The following EZR variants were observed in gnomAD, a reference collection of about 807,000 sequenced individuals.
EZR encodes the protein cytovillin 2.
EZR carries 40 observed loss-of-function variants against 74.8 expected under a neutral mutation model. The observed-to-expected ratio is 0.53, with a 90% CI of 0.42 to 0.70. The LOEUF is 0.70. Among genes scored for constraint, EZR ranks in the 30% least tolerant of loss-of-function variants. EZR has a pLI of 0.00. For synonymous variants in EZR, 341 were observed against 283.3 expected (o/e 1.20, Z -2.05); for missense variants, 678 against 755.8 (o/e 0.90, Z 1.21).
At chr6:158,770,016 C>T (rs1791051036) in intron 10 of EZR, 72 bp from the exon 11 acceptor site, 1 of 1,576,026 alleles carries the variant, frequency 6.3e-7, no homozygotes, top group Non-Finnish European at 8.6e-7. Flanking sequence ...TTTCCATTCC[C>T]ACCCCCAAAG....
At position 158,767,493 on chromosome 6, in the gene EZR, T is replaced by C; in HGVS notation, c.1364A>G (p.Asp455Gly). The change falls in exon 13 of 14, where the codon GAC becomes GGC. Residue 455 changes from aspartate to glycine, a missense_variant. Around this residue, in one of 3 missense-constraint regions of EZR, gnomAD observed 342 missense variants for 341.2 expected, o/e 1.00. Coordinates refer to ENST00000367075, the MANE Select transcript of EZR (RefSeq NM_001111077.2). ...WQHRAKEAQD[D>G]LVKTKEELHL... is the part of the protein sequence containing the mutation. The stretch of plus-strand genomic sequence containing the variant: ...CAGCTCCTCCTTGGTCTTCACCAGG[T>C]CATCCTGGGCTTCTTTGGCCTTTGG... 6.3e-7 allele frequency: 1 copy of C among 1,597,032 alleles called. No homozygotes were observed. The highest frequency in any genetic ancestry group is 1.1e-5 in the South Asian group (1 of 89,394).
chr6:158,791,111 T>A (rs1791732938), intron 2 of EZR, among the ~76,000 whole-genome samples: 1 of 151,778 alleles, frequency 6.6e-6, no homozygotes, highest in Non-Finnish European at 1.5e-5. Flanking sequence ...CCCAATAACA[T>A]TTAAGACTAT....
At chr6:158,808,593 C>T (rs1412709915) in intron 2 of EZR, among the ~76,000 whole-genome samples, 1 of 152,232 alleles carries the variant, frequency 6.6e-6, no homozygotes, top group African/African-American at 2.4e-5. Context: ...ACAGCCCTTA[C>T]TGACCAGGGC....
At position 158,769,814 on chromosome 6, in the gene EZR, C is replaced by T. The variant is rs377417696; in HGVS notation, c.1221G>A (p.Ala407=). 19 of 1,613,884 alleles carry T rather than the reference C, an allele frequency of 1.2e-5. No homozygotes were observed. Among genetic ancestry groups the T allele is most frequent in the Non-Finnish European group, 1.4e-5 (17 of 1,180,048 alleles). Residue 407 remains alanine (A), a synonymous_variant, in exon 11 of 14, where the codon GCG becomes GCA. Coordinates refer to ENST00000367075, the MANE Select transcript of EZR (RefSeq NM_001111077.2). The part of the protein sequence containing the change: ...LRAKEELERQ[A]VDQIKSQEQL... ...GCTCCTGGCTCTTTATCTGATCCACCGCCTGTCTCTCCAGCTCCTCCTTAG... is the reference window on the plus strand; with the variant it reads ...GCTCCTGGCTCTTTATCTGATCCACTGCCTGTCTCTCCAGCTCCTCCTTAG...
At chr6:158,782,969 C>T (rs1466793825) in intron 7 of EZR, among the ~76,000 whole-genome samples, 1 of 152,198 alleles carries the variant, frequency 6.6e-6, no homozygotes, top group African/African-American at 2.4e-5. Flanking sequence ...CTCTGCTGCT[C>T]TACCCAGCTT....
chr6:158,789,762 G>A (rs1791683553), intron 2 of EZR, among the ~76,000 whole-genome samples: 1 of 152,160 alleles, frequency 6.6e-6, no homozygotes, highest in African/African-American at 2.4e-5. Context: ...TGGCACTATA[G>A]GTGCCACCAT....
intron 12 of EZR, 142 bp downstream of exon 12, chr6:158,769,184 G>A (rs1217292327): frequency 4.6e-6 from 3 of 650,106 alleles, no homozygotes; most frequent in Non-Finnish European, 8.2e-6. Flanking sequence ...AGGATCATGA[G>A]ACATCCCAGA....
chr6:158,818,908 C>A (rs991938574), intron 1 of EZR, among the ~76,000 whole-genome samples: 2 of 152,154 alleles, frequency 1.3e-5, no homozygotes, highest in African/African-American at 4.8e-5. Context: ...CGGGGTCCGC[C>A]GAGGAACTTC....
intron 3 of EZR, among the ~76,000 whole-genome samples, chr6:158,788,683 A>G (rs1012293289): frequency 6.6e-6 from 1 of 152,050 alleles, no homozygotes; most frequent in Non-Finnish European, 1.5e-5. Context: ...TATTTGAAGC[A>G]GCTGTTATTG....
chr6:158,778,788 A>G (rs1161487288), intron 7 of EZR, among the ~76,000 whole-genome samples: 1 of 152,214 alleles, frequency 6.6e-6, no homozygotes, highest in Non-Finnish European at 1.5e-5. Flanking sequence ...AATCTCAAAC[A>G]ACCTGAGCAA....
intron 1 of EZR, among the ~76,000 whole-genome samples, chr6:158,819,115 G>A (rs1259260691): frequency 1.3e-5 from 2 of 151,758 alleles, no homozygotes; most frequent in African/African-American, 2.4e-5. Context: ...AGACCTGAGG[G>A]GACCCGGCGC....
intron 3 of EZR, 41 bp from the exon 4 acceptor site, chr6:158,787,244 C>T: frequency 6.4e-7 from 1 of 1,554,178 alleles, no homozygotes; most frequent in Non-Finnish European, 8.9e-7. Flanking sequence ...ATGAGAAACT[C>T]ACTCAAAAGG....
rs996855305 is a variant in EZR at position 158,818,347 on chromosome 6, G to A, written c.-73-181C>T. The A allele has an allele frequency of 1.8e-3, 396 of 224,946 alleles. 1 individual carries two copies. The highest frequency in any genetic ancestry group is 8.2e-3 in the African/African-American group (351 of 42,806). 13.9% of individuals were successfully genotyped at this position (224,946 alleles called of 1,614,324 possible). A position where few individuals can be genotyped will look rare whatever the true frequency, so the allele number is the denominator to read the frequency against. On this transcript the variant is annotated intron_variant, in intron 1 of 13. Coordinates refer to ENST00000367075, the MANE Select transcript of EZR (RefSeq NM_001111077.2). ...GGGGGCACGGGCGGGGCGGGGCCGG[G>A]CCGGGCCCCCGGCGAGGAGGCGCCC...
At chr6:158,805,105 G>A (rs1777305719) in intron 2 of EZR, among the ~76,000 whole-genome samples, 1 of 152,036 alleles carries the variant, frequency 6.6e-6, no homozygotes, top group Non-Finnish European at 1.5e-5. Flanking sequence ...GAAACAATGA[G>A]GCTGAGGTGG....
At position 158,789,683 on chromosome 6, in the gene EZR, G is replaced by A. The variant is rs570049237; in HGVS notation, c.13-312C>T. On this transcript the variant is annotated intron_variant, in intron 2 of 13. Coordinates refer to ENST00000367075, the MANE Select transcript of EZR (RefSeq NM_001111077.2). Reference sequence around the variant, plus strand: ...CACCCAAGCTGGAGTGCAGTGGCACGATCACAGCTCACTAGTCATGATCTC... The same window carrying A: ...CACCCAAGCTGGAGTGCAGTGGCACAATCACAGCTCACTAGTCATGATCTC... 136 of 484,938 alleles carry A rather than the reference G, an allele frequency of 2.8e-4. 5 individuals carry two copies. The highest frequency in any genetic ancestry group is 1.9e-3 in the South Asian group (125 of 64,216). The allele number at this position is 484,938 out of a possible 1,614,324, so 30.0% of individuals were successfully genotyped here.
At chr6:158,770,123 C>A (rs975977728) in intron 10 of EZR, among the ~76,000 whole-genome samples, 179 bp from the exon 11 acceptor site, 2 of 152,224 alleles carry the variant, frequency 1.3e-5, no homozygotes, top group Admixed American at 1.3e-4. Flanking sequence ...GTATCCATGA[C>A]AACTTCCTCA....
intron 11 of EZR, 115 bp downstream of exon 11, chr6:158,769,669 C>CAG: frequency 7.0e-7 from 1 of 1,434,830 alleles, no homozygotes; most frequent in Non-Finnish European, 9.6e-7. Context: ...AGCCCCCCAG[C>CAG]AGATCAGTTT....
chr6:158,785,648 A>G, intron 4 of EZR, 65 bp from the exon 5 acceptor site: 1 of 1,586,932 alleles, frequency 6.3e-7, no homozygotes, highest in South Asian at 1.1e-5. Context: ...TCCCCAACAC[A>G]GGCTTCTAAC....
chr6:158,795,643 G>C (rs1396229406), intron 2 of EZR, among the ~76,000 whole-genome samples: 2 of 152,184 alleles, frequency 1.3e-5, no homozygotes, highest in African/African-American at 4.8e-5. Context: ...AGTACAGAGA[G>C]GCATTAGCCC....
Sources: allele counts gnomAD v4.1 joint callset (sites outside exome capture counted in the v4.1 genomes callset), GRCh38; gene constraint gnomAD v4.1.1; regional missense constraint gnomAD v4.1.1; transcripts MANE v1.5; gene names NCBI Gene and HGNC (gene_info 2026-07-23, HGNC 2026-07-21).